DLGAP1: variants seen among roughly 807,000 people sequenced by gnomAD.
The protein encoded by DLGAP1 is disks large-associated protein 1.
In DLGAP1, 11 loss-of-function variants were observed where a neutral mutation model predicts 90.8. The observed-to-expected ratio is 0.12, with a 90% confidence interval of 0.08 to 0.20. DLGAP1 has a LOEUF of 0.20. Ranked by LOEUF, DLGAP1 falls within the 10% of genes least tolerant of loss-of-function variation. The probability of loss-of-function intolerance (pLI) is 1.00; values close to 1 mark genes in which losing one functional copy is unlikely to be tolerated. For missense variants in DLGAP1, 1,050 were observed against 1,333.8 expected, an observed-to-expected ratio of 0.79 and a Z score of 3.31; for synonymous variants, 558 against 540.7, an observed-to-expected ratio of 1.03 and a Z score of -0.44.
At chr18:3,735,472 C>A (rs1041680511) in intron 6 of DLGAP1, among the ~76,000 whole-genome samples, 1 of 152,164 alleles carries the variant, frequency 6.6e-6, no homozygotes, top group Non-Finnish European at 1.5e-5. Flanking sequence ...ATCCATCCAA[C>A]TGAGGCTCCC....
intron 1 of DLGAP1, among the ~76,000 whole-genome samples, chr18:4,382,872 G>A (rs150899360): frequency 4.3e-4 from 66 of 152,222 alleles, no homozygotes; most frequent in African/African-American, 9.1e-4. Flanking sequence ...AATCAAACAC[G>A]AATTTGACCC....
intron 5 of DLGAP1, among the ~76,000 whole-genome samples, chr18:3,805,413 GAGA>G (rs1568165062): frequency 2.6e-5 from 4 of 152,216 alleles, no homozygotes; most frequent in Admixed American, 2.6e-4. Flanking sequence ...GAAAGTCTTA[GAGA>G]AGGAGTTGGA....
At position 4,287,786 on chromosome 18, in the gene DLGAP1, C is replaced by T. The variant is rs557143463; in HGVS notation, c.-266-136499G>A. On this transcript the variant is annotated intron_variant, in intron 1 of 12. Coordinates refer to ENST00000315677, the MANE Select transcript of DLGAP1 (RefSeq NM_004746.4). Reference sequence around the variant, plus strand: ...TGATGGATGCAGCAAACCACCATGGCACATGTATACCTATGTAACAAACCT... The same window carrying T: ...TGATGGATGCAGCAAACCACCATGGTACATGTATACCTATGTAACAAACCT... 1.3e-3 allele frequency among the ~76,000 whole-genome samples: 193 copies of T among 151,966 alleles called. 1 individual carries two copies. The highest frequency in any genetic ancestry group is 4.3e-3 in the African/African-American group (179 of 41,438).
intron 9 of DLGAP1, among the ~76,000 whole-genome samples, chr18:3,547,183 C>A (rs1234817427): frequency 1.3e-5 from 2 of 151,518 alleles, no homozygotes; most frequent in African/African-American, 4.8e-5. Context: ...CGCCGGTAGT[C>A]CCAGCTACTC....
chr18:3,829,042 A>G (rs2067887999), intron 4 of DLGAP1, among the ~76,000 whole-genome samples: 3 of 152,232 alleles, frequency 2.0e-5, no homozygotes, highest in Admixed American at 2.0e-4. Flanking sequence ...ATATTTTTCC[A>G]CCATGTAATT....
chr18:3,557,572 G>A (rs1296613750), intron 9 of DLGAP1, among the ~76,000 whole-genome samples: 1 of 152,028 alleles, frequency 6.6e-6, no homozygotes, highest in Non-Finnish European at 1.5e-5. Flanking sequence ...TTAGTTTCTT[G>A]AGATTTATTT....
At chr18:4,133,923 G>T (rs1174714794) in intron 2 of DLGAP1, among the ~76,000 whole-genome samples, 1 of 151,800 alleles carries the variant, frequency 6.6e-6, no homozygotes, top group Admixed American at 6.6e-5. Flanking sequence ...CTAGTGAGAG[G>T]CTGGACAAGT....
At chr18:4,157,333 G>C (rs2076773640) in intron 1 of DLGAP1, among the ~76,000 whole-genome samples, 1 of 152,160 alleles carries the variant, frequency 6.6e-6, no homozygotes, top group South Asian at 2.1e-4. Flanking sequence ...AACTATCTAT[G>C]TGCTTCACTC....
intron 1 of DLGAP1, among the ~76,000 whole-genome samples, chr18:4,419,277 C>T (rs1301023140): frequency 6.6e-6 from 1 of 152,128 alleles, no homozygotes; most frequent in East Asian, 1.9e-4. Context: ...GCAATCATCT[C>T]CCACTGGGTC....
At chr18:4,058,857 AC>A (rs2075260946) in intron 2 of DLGAP1, among the ~76,000 whole-genome samples, 1 of 152,222 alleles carries the variant, frequency 6.6e-6, no homozygotes, top group African/African-American at 2.4e-5. Flanking sequence ...TACTTAAAGA[AC>A]ATGGGAAATT....
In DLGAP1 at chr18:3,833,187, TTCCTTCCTTCCTTCCTTCCTTCCTTCC is replaced by T. The variant is rs2068147590; in HGVS notation, c.958-18941_958-18915del. 2.4e-5 allele frequency among the ~76,000 whole-genome samples: 2 copies of T among 82,578 alleles called. 1 individual carries two copies. The highest frequency in any genetic ancestry group is 9.4e-5 in the African/African-American group (2 of 21,332). 54.2% of individuals were successfully genotyped at this position (82,578 alleles called of 152,430 possible). A position where few individuals can be genotyped will look rare whatever the true frequency, so the allele number is the denominator to read the frequency against. On this transcript the variant is annotated intron_variant, in intron 4 of 12. Coordinates refer to ENST00000315677, the MANE Select transcript of DLGAP1 (RefSeq NM_004746.4). Reference sequence around the variant, plus strand: ...CTTCCTTCCTTCCTTCCTTCCTTCCTTCCTTCCTTCCTTCCTTCCTTCCTTCCTTCCTTCCTTCCTTCCTTCCTTCCT... The same window carrying T: ...CTTCCTTCCTTCCTTCCTTCCTTCCTTTCCTTCCTTCCTTCCTTCCTTCCT...
intron 7 of DLGAP1, among the ~76,000 whole-genome samples, chr18:3,699,975 G>A (rs2061224845): frequency 6.6e-6 from 1 of 152,166 alleles, no homozygotes; most frequent in African/African-American, 2.4e-5. Context: ...CCCCGCCCCT[G>A]ACCAAGCTCA....
At chr18:3,673,062 G>T (rs2060157306) in intron 7 of DLGAP1, among the ~76,000 whole-genome samples, 2 of 152,158 alleles carry the variant, frequency 1.3e-5, no homozygotes, top group Admixed American at 1.3e-4. Flanking sequence ...AAAGTTCAAG[G>T]TCTATCTTAG....
At chr18:4,442,186 A>G (rs1744577964) in intron 1 of DLGAP1, among the ~76,000 whole-genome samples, 1 of 151,946 alleles carries the variant, frequency 6.6e-6, no homozygotes. Flanking sequence ...TTTTAGTAGA[A>G]AGAGGGTTTC....
intron 7 of DLGAP1, among the ~76,000 whole-genome samples, chr18:3,646,720 T>A (rs55971487): frequency 2.6e-5 from 4 of 151,918 alleles, no homozygotes; most frequent in Non-Finnish European, 5.9e-5. Context: ...GTCAGGAGAT[T>A]GAGACCATCC....
intron 1 of DLGAP1, among the ~76,000 whole-genome samples, chr18:4,163,070 T>A (rs745759406): frequency 1.3e-5 from 2 of 152,196 alleles, no homozygotes; most frequent in Non-Finnish European, 2.9e-5. Context: ...AGGCCAGCAC[T>A]AAGACATCTT....
At chr18:4,396,323 T>A (rs1343585536) in intron 1 of DLGAP1, among the ~76,000 whole-genome samples, 2 of 152,094 alleles carry the variant, frequency 1.3e-5, no homozygotes, top group Non-Finnish European at 2.9e-5. Flanking sequence ...CACCAGGAAA[T>A]CCAGCATAGA....
chr18:3,735,951 T>C (rs541817717), intron 6 of DLGAP1, among the ~76,000 whole-genome samples: 21 of 150,530 alleles, frequency 1.4e-4, no homozygotes, highest in Admixed American at 3.3e-4. Context: ...TCTTTCTCTC[T>C]ACACACACAC....
intron 1 of DLGAP1, among the ~76,000 whole-genome samples, chr18:4,226,913 G>C (rs1453968771): frequency 6.6e-6 from 1 of 151,724 alleles, no homozygotes; most frequent in East Asian, 1.9e-4. Context: ...AAGACATAGA[G>C]TGACTGAATA....
Sources: gnomAD v4.1 joint callset for allele counts (sites outside exome capture counted in the v4.1 genomes callset) on GRCh38, gnomAD v4.1.1 for gene constraint, MANE v1.5 for transcripts, NCBI Gene and HGNC (gene_info 2026-07-23, HGNC 2026-07-21) for gene names.